Variants in NAV2 observed in about 807,000 individuals in gnomAD.
The protein encoded by NAV2 is neuron navigator 2.
In NAV2, 54 loss-of-function variants were observed where a neutral mutation model predicts 223.2. That is an observed-to-expected ratio of 0.24 (90% CI 0.19 to 0.30). NAV2 has a LOEUF of 0.30. Among genes scored for constraint, NAV2 ranks in the 10% least tolerant of loss-of-function variants. The pLI is 1.00. For missense variants in NAV2, 2,806 were observed against 3,147.5 expected (o/e 0.89, Z 2.60); for synonymous variants, 1,279 against 1,239.3 (o/e 1.03, Z -0.67).
chr11:19,431,316 C>A (rs760252582), intron 1 of NAV2, among the ~76,000 whole-genome samples: 1 of 152,144 alleles, frequency 6.6e-6, no homozygotes, highest in Non-Finnish European at 1.5e-5. Flanking sequence ...CTGCGTTTAA[C>A]GACTGCTGAA....
At chr11:19,765,240 G>A (rs1044631606) in intron 1 of NAV2, among the ~76,000 whole-genome samples, 2 of 152,212 alleles carry the variant, frequency 1.3e-5, no homozygotes, top group African/African-American at 4.8e-5. Context: ...TGAGAGATAA[G>A]CAAACTTTTT....
At chr11:19,789,888 T>C (rs544278111) in intron 1 of NAV2, among the ~76,000 whole-genome samples, 170 of 152,312 alleles carry the variant, frequency 1.1e-3, no homozygotes, top group Middle Eastern at 0.01. Context: ...TTTCTGGGAA[T>C]CCTGCAAAGT....
chr11:19,683,283 C>T lies in NAV2; in HGVS notation c.76-149201C>T, dbSNP rs139768484. ...AGAGTAGTTTTTCATTTCCTCTAAA[C>T]GGAATGTCAGGGGTTGCGGGGTGTA... On this transcript the variant is annotated intron_variant, in intron 1 of 37. Coordinates refer to the NAV2 transcript ENST00000360655. Among the ~76,000 whole-genome samples the T allele has an allele frequency of 4.5e-3, 678 of 152,194 alleles. 3 individuals are homozygous for T. Among genetic ancestry groups the T allele is most frequent in the African/African-American group, 0.015 (630 of 41,518 alleles).
At chr11:19,835,689 GTATA>G (rs1378841375) in intron 2 of NAV2, among the ~76,000 whole-genome samples, 1 of 151,376 alleles carries the variant, frequency 6.6e-6, no homozygotes, top group African/African-American at 2.4e-5. Flanking sequence ...ACATATGTAT[GTATA>G]TATAGATATC....
chr11:19,827,384 ACCTGT>A (rs1467021002), intron 1 of NAV2, among the ~76,000 whole-genome samples: 3 of 152,128 alleles, frequency 2.0e-5, no homozygotes, highest in Admixed American at 6.5e-5. Flanking sequence ...GTGTCCTGAT[ACCTGT>A]CCCGAGGTTG....
At chr11:19,802,463 G>A (rs1235375134) in intron 1 of NAV2, among the ~76,000 whole-genome samples, 1 of 152,160 alleles carries the variant, frequency 6.6e-6, no homozygotes, top group Non-Finnish European at 1.5e-5. Flanking sequence ...AGCCACCTGT[G>A]ATCTGTGAAC....
intron 1 of NAV2, among the ~76,000 whole-genome samples, chr11:19,747,944 G>A (rs936923164): frequency 6.6e-6 from 1 of 152,194 alleles, no homozygotes; most frequent in Non-Finnish European, 1.5e-5. Flanking sequence ...CCCCTGGGGA[G>A]CCTGCTAACC....
At chr11:19,430,905 G>A (rs1016995751) in intron 1 of NAV2, among the ~76,000 whole-genome samples, 2 of 152,210 alleles carry the variant, frequency 1.3e-5, no homozygotes, top group Non-Finnish European at 2.9e-5. Flanking sequence ...CTTCCAGTAA[G>A]TGCTGCAAGT....
chr11:20,023,699 G>T (rs373099502), intron 11 of NAV2, among the ~76,000 whole-genome samples: 8 of 144,680 alleles, frequency 5.5e-5, no homozygotes, highest in Non-Finnish European at 9.1e-5. Context: ...CAAATTGCTG[G>T]GTGTGTGTGT....
chr11:19,581,504 C>T (rs957691241), intron 1 of NAV2, among the ~76,000 whole-genome samples: 1 of 152,170 alleles, frequency 6.6e-6, no homozygotes, highest in Non-Finnish European at 1.5e-5. Flanking sequence ...ACATCTAATG[C>T]TATCCCTCCC....
chr11:20,063,771 C>T (rs1564964968), intron 20 of NAV2, among the ~76,000 whole-genome samples: 2 of 152,122 alleles, frequency 1.3e-5, no homozygotes, highest in African/African-American at 2.4e-5. Context: ...AATTCTTTAG[C>T]CCTTAATCCC....
At chr11:19,445,831 TAAA>T (rs1197152309) in intron 1 of NAV2, among the ~76,000 whole-genome samples, 2 of 151,330 alleles carry the variant, frequency 1.3e-5, no homozygotes, top group Non-Finnish European at 2.9e-5. Flanking sequence ...TATTAGGCTC[TAAA>T]CAGAGCAACC....
chr11:19,669,255 T>G (rs1206288751), intron 1 of NAV2, among the ~76,000 whole-genome samples: 2 of 152,350 alleles, frequency 1.3e-5, no homozygotes, highest in Admixed American at 6.5e-5. Flanking sequence ...GACACCTACA[T>G]GCACTGTCAC....
At chr11:20,018,411 C>G (rs1228873632) in intron 11 of NAV2, among the ~76,000 whole-genome samples, 1 of 150,244 alleles carries the variant, frequency 6.7e-6, no homozygotes, top group Non-Finnish European at 1.5e-5. Flanking sequence ...TCAGAAGCAG[C>G]TGCGCTTAAC....
At chr11:19,704,104 T>G (rs2049589536) in intron 1 of NAV2, among the ~76,000 whole-genome samples, 1 of 152,124 alleles carries the variant, frequency 6.6e-6, no homozygotes, top group South Asian at 2.1e-4. Flanking sequence ...GGAGTACTGG[T>G]CGAAGTTGTC....
At chr11:19,415,746 A>G (rs10450558) in intron 1 of NAV2, among the ~76,000 whole-genome samples, 4,802 of 152,320 alleles carry the variant, frequency 0.032, 253 homozygotes, top group African/African-American at 0.11. Flanking sequence ...CTAATCCACC[A>G]TGATCGAGTT....
intron 1 of NAV2, among the ~76,000 whole-genome samples, chr11:19,423,808 T>C (rs1043848950): frequency 3.6e-4 from 55 of 152,156 alleles, no homozygotes; most frequent in Middle Eastern, 3.2e-3. Flanking sequence ...GTAGAGATAT[T>C]TGGGGCCAGG....
chr11:19,899,095 G>A (rs1222100852), intron 6 of NAV2, among the ~76,000 whole-genome samples: 1 of 152,038 alleles, frequency 6.6e-6, no homozygotes, highest in African/African-American at 2.4e-5. Flanking sequence ...GTTGGCGCTG[G>A]CTATTGCACC....
chr11:20,083,171 C>G lies in NAV2; in HGVS notation c.5490C>G (p.Ser1830=). ...CCCCACTGCTGAGGAATTCTCACTC[C>G]AACTCTCTGTAAGTCTGTCTGTCTA... The part of the protein sequence containing the change: ...GSTPLLRNSH[S]NSLISECMDS... The change falls in exon 26 of 38, where the codon TCC becomes TCG. Residue 1830 remains serine (S), a synonymous_variant. Coordinates refer to ENST00000349880, the MANE Select transcript of NAV2 (RefSeq NM_145117.5). 6.2e-7 allele frequency: 1 copy of G among 1,612,562 alleles called. No homozygotes were observed.
Sources: allele counts gnomAD v4.1 joint callset (sites outside exome capture counted in the v4.1 genomes callset), GRCh38; gene constraint gnomAD v4.1.1; transcripts MANE v1.5; gene names NCBI Gene and HGNC (gene_info 2026-07-23, HGNC 2026-07-21).